The following DPP6 variants were observed in gnomAD, a reference collection of about 807,000 sequenced individuals.
DPP6 encodes the protein A-type potassium channel modulatory protein DPP6.
A neutral mutation model predicts 122.6 loss-of-function variants in DPP6; 69 were observed. The observed-to-expected ratio is 0.56, with a 90% CI of 0.46 to 0.69. The LOEUF (loss-of-function observed/expected upper bound fraction) is 0.69, where lower values mean the gene tolerates loss of function less well. Ranked by LOEUF, DPP6 falls within the 30% of genes least tolerant of loss-of-function variation. The pLI is 0.00. For missense variants in DPP6, 928 were observed against 1,116.9 expected (o/e 0.83, Z 2.41); for synonymous variants, 418 against 433.1 (o/e 0.97, Z 0.43).
chr7:154,286,356 A>C (rs1469940071), intron 1 of DPP6, among the ~76,000 whole-genome samples: 1 of 152,182 alleles, frequency 6.6e-6, no homozygotes, highest in African/African-American at 2.4e-5. Flanking sequence ...ATGTGCATTC[A>C]GGACAGACAT....
At chr7:153,944,730 A>G (rs1375564258) in intron 1 of DPP6, among the ~76,000 whole-genome samples, 6 of 128,936 alleles carry the variant, frequency 4.7e-5, no homozygotes, top group Non-Finnish European at 9.4e-5. Context: ...TCCCGTGTTC[A>G]AGCAATTCTC....
At chr7:154,703,894 G>A (rs546925069) in intron 7 of DPP6, among the ~76,000 whole-genome samples, 62 of 151,536 alleles carry the variant, frequency 4.1e-4, no homozygotes, top group African/African-American at 7.5e-4. Context: ...CCAAGATCGC[G>A]CCACTGCGCT....
chr7:153,870,922 C>T, the DPP6 span, among the ~76,000 whole-genome samples: 1 of 152,202 alleles, frequency 6.6e-6, no homozygotes, highest in African/African-American at 2.4e-5. Context: ...CCACTCCAGA[C>T]CTTGTTTGCT....
chr7:153,916,163 T>C (rs901053003), intron 1 of DPP6, among the ~76,000 whole-genome samples: 8 of 151,326 alleles, frequency 5.3e-5, no homozygotes, highest in Non-Finnish European at 7.4e-5. Flanking sequence ...TTAGTAGAGA[T>C]GGGGTTTCAC....
At chr7:153,884,265 G>GT (rs1314610433), upstream of DPP6, among the ~76,000 whole-genome samples, 1 of 152,130 alleles carries the variant, frequency 6.6e-6, no homozygotes, top group Non-Finnish European at 1.5e-5. Context: ...GCGTTGTTTG[G>GT]TTTTTTGTCC....
intron 1 of DPP6, among the ~76,000 whole-genome samples, chr7:154,102,453 T>C (rs1805814978): frequency 6.6e-6 from 1 of 152,130 alleles, no homozygotes; most frequent in Non-Finnish European, 1.5e-5. Context: ...CCTCCCAAAG[T>C]GCTGGGATTA....
chr7:154,769,624 C>T (rs1796126030), intron 9 of DPP6, 53 bp downstream of exon 9: 1 of 1,482,820 alleles, frequency 6.7e-7, no homozygotes, highest in Non-Finnish European at 9.0e-7. Flanking sequence ...ATGAACACCC[C>T]AACCCTGCTC....
At chr7:154,806,450 G>A (rs1310293235) in intron 15 of DPP6, among the ~76,000 whole-genome samples, 1 of 152,206 alleles carries the variant, frequency 6.6e-6, no homozygotes, top group Non-Finnish European at 1.5e-5. Context: ...GCTCCGTTGA[G>A]TGGGAAGCGC....
At chr7:154,649,505 C>T (rs991226385) in intron 6 of DPP6, among the ~76,000 whole-genome samples, 2 of 152,194 alleles carry the variant, frequency 1.3e-5, no homozygotes, top group East Asian at 3.9e-4. Flanking sequence ...TTTTTCTTAA[C>T]TCACTACCCC....
At chr7:153,756,456 C>T in the DPP6 span, among the ~76,000 whole-genome samples, 1 of 152,008 alleles carries the variant, frequency 6.6e-6, no homozygotes, top group Non-Finnish European at 1.5e-5. Context: ...TTTTGTGGTT[C>T]ATCTTCTCCA....
At chr7:154,493,737 A>T (rs2151391595) in intron 3 of DPP6, among the ~76,000 whole-genome samples, 1 of 152,362 alleles carries the variant, frequency 6.6e-6, no homozygotes, top group East Asian at 1.9e-4. Context: ...GAATTTTTAA[A>T]GAATTCAAGA....
chr7:154,388,959 A>G (rs933269316), intron 1 of DPP6, among the ~76,000 whole-genome samples: 3 of 152,158 alleles, frequency 2.0e-5, no homozygotes, highest in Non-Finnish European at 1.5e-5. Flanking sequence ...ACTACAAATG[A>G]CATTCCAAGA....
chr7:154,139,909 A>C (rs1289173510), intron 1 of DPP6, among the ~76,000 whole-genome samples: 1 of 152,166 alleles, frequency 6.6e-6, no homozygotes, highest in Non-Finnish European at 1.5e-5. Context: ...AAATAATGGC[A>C]TTGCCCTTGG....
intron 1 of DPP6, 141 bp downstream of exon 1, chr7:154,053,204 CA>C (rs1408586135): frequency 1.6e-5 from 12 of 767,952 alleles, no homozygotes; most frequent in Non-Finnish European, 1.6e-5. Flanking sequence ...CGCCCCCAGA[CA>C]GGCTCCGTGG....
At chr7:154,544,013 AG>A (rs1828954703) in intron 4 of DPP6, among the ~76,000 whole-genome samples, 1 of 148,742 alleles carries the variant, frequency 6.7e-6, no homozygotes, top group African/African-American at 2.5e-5. Context: ...AAAAAAAAAA[AG>A]AGTTTCTGTA....
intron 1 of DPP6, among the ~76,000 whole-genome samples, chr7:153,922,180 T>C (rs1301236441): frequency 6.6e-6 from 1 of 151,118 alleles, no homozygotes; most frequent in Non-Finnish European, 1.5e-5. Flanking sequence ...TAAACCCAAG[T>C]GGGTGTACTT....
In DPP6 at chr7:154,863,982, G is replaced by A. The variant is rs939653422; in HGVS notation, c.1715-4013G>A. ...CACAGGGAGGGGGCGAGGTGGGGCA[G>A]AGAGGGGTCCTACTGATGGCCGCAG... On this transcript the variant is annotated intron_variant, in intron 17 of 25. Transcript: ENST00000377770. This position sits in a 1 kb window ranked among gnomAD's most constrained non-coding sequence, Gnocchi z 4.1. Among the ~76,000 whole-genome samples the A allele has an allele frequency of 6.6e-6, 1 of 152,136 alleles. No homozygotes were observed. Among genetic ancestry groups the A allele is most frequent in the Non-Finnish European group, 1.5e-5 (1 of 68,010 alleles).
intron 1 of DPP6, among the ~76,000 whole-genome samples, chr7:153,917,700 A>G (rs917962816): frequency 2.0e-5 from 3 of 152,214 alleles, no homozygotes; most frequent in African/African-American, 7.2e-5. Flanking sequence ...TTCGTGGATT[A>G]TATGTGGTTA....
intron 7 of DPP6, among the ~76,000 whole-genome samples, chr7:154,683,533 T>C (rs1182886615): frequency 2.0e-5 from 3 of 152,214 alleles, no homozygotes; most frequent in African/African-American, 7.2e-5. Flanking sequence ...CTGTAACAGC[T>C]GCCTTCTTGG....
Sources: allele counts gnomAD v4.1 joint callset (sites outside exome capture counted in the v4.1 genomes callset), GRCh38; gene constraint gnomAD v4.1.1; non-coding constraint Gnocchi (gnomAD v3.1); transcripts MANE v1.5; gene names NCBI Gene and HGNC (gene_info 2026-07-23, HGNC 2026-07-21).